Variants in LRBA observed in about 807,000 individuals in gnomAD.
LRBA encodes the protein lipopolysaccharide-responsive and beige-like anchor protein.
In LRBA, 176 loss-of-function variants were observed where a neutral mutation model predicts 330.0. The observed-to-expected ratio is 0.53, with a 90% CI of 0.47 to 0.60. The LOEUF (loss-of-function observed/expected upper bound fraction) is 0.60. Among genes scored for constraint, LRBA ranks in the 20% least tolerant of loss-of-function variants. The pLI is 0.00. For synonymous variants in LRBA, 1,230 were observed against 1,193.0 expected (o/e 1.03, Z -0.64); for missense variants, 3,259 against 3,444.8 (o/e 0.95, Z 1.35).
intron 52 of LRBA, among the ~76,000 whole-genome samples, chr4:150,306,989 G>A (rs1730432835): frequency 6.6e-6 from 1 of 151,888 alleles, no homozygotes; most frequent in Admixed American, 6.6e-5. Flanking sequence ...TTGTGAGACT[G>A]AAACAATATC....
chr4:150,956,546 T>C (rs1221445405), intron 2 of LRBA, among the ~76,000 whole-genome samples: 1 of 148,866 alleles, frequency 6.7e-6, no homozygotes, highest in African/African-American at 2.6e-5. Flanking sequence ...GTACTAACCT[T>C]ATGCCAAGAT....
At chr4:150,833,524 C>T (rs890801879) in intron 28 of LRBA, among the ~76,000 whole-genome samples, 2 of 151,902 alleles carry the variant, frequency 1.3e-5, no homozygotes, top group East Asian at 1.9e-4. Flanking sequence ...TTTTAGTTTC[C>T]GAGTGTATAT....
intron 40 of LRBA, among the ~76,000 whole-genome samples, chr4:150,561,818 A>G (rs1288310784): frequency 6.6e-6 from 1 of 152,130 alleles, no homozygotes; most frequent in Non-Finnish European, 1.5e-5. Flanking sequence ...TAATAAATAT[A>G]ATTTGATCTT....
intron 46 of LRBA, among the ~76,000 whole-genome samples, chr4:150,417,233 C>A (rs1413507928): frequency 2.0e-5 from 3 of 152,058 alleles, no homozygotes; most frequent in Non-Finnish European, 4.4e-5. Flanking sequence ...TTATCTCTCT[C>A]TATACAGCAA....
At chr4:150,939,816 C>A (rs140466454) in intron 2 of LRBA, among the ~76,000 whole-genome samples, 432 of 152,264 alleles carry the variant, frequency 2.8e-3, no homozygotes, top group African/African-American at 9.5e-3. Context: ...ATAATAGACA[C>A]TGGAGACTCC....
chr4:151,010,839 G>A lies in LRBA; in HGVS notation c.216+3588C>T, dbSNP rs141890080. Among the ~76,000 whole-genome samples the A allele has an allele frequency of 6.4e-3, 926 of 145,246 alleles. 7 individuals carry two copies. The highest frequency in any genetic ancestry group is 0.022 in the African/African-American group (875 of 38,958). ...GCAGAGGTTGCAGTGAGCTGAGATC[G>A]CACCACTGCACTCCAACCTGGGTGA... is the stretch of plus-strand genomic sequence containing the variant. On this transcript the variant is annotated intron_variant, in intron 2 of 56. Transcript: ENST00000651943.
At chr4:150,689,945 T>A (rs1000278954) in intron 36 of LRBA, among the ~76,000 whole-genome samples, 1 of 151,070 alleles carries the variant, frequency 6.6e-6, no homozygotes, top group African/African-American at 2.4e-5. Context: ...GAAAAAAAAA[T>A]TTACAACAGC....
intron 47 of LRBA, among the ~76,000 whole-genome samples, chr4:150,399,466 C>T (rs1198237171): frequency 2.0e-5 from 3 of 152,124 alleles, no homozygotes; most frequent in Non-Finnish European, 4.4e-5. Context: ...CATGATACCC[C>T]ATATAGACCA....
chr4:150,778,430 A>G (rs1737723362), intron 34 of LRBA, among the ~76,000 whole-genome samples: 1 of 152,206 alleles, frequency 6.6e-6, no homozygotes, highest in Non-Finnish European at 1.5e-5. Flanking sequence ...ATTACTATAA[A>G]CACATTTTTA....
intron 47 of LRBA, among the ~76,000 whole-genome samples, chr4:150,370,620 A>G (rs771767980): frequency 1.3e-5 from 2 of 152,232 alleles, no homozygotes; most frequent in South Asian, 2.1e-4. Context: ...CAAAACCTAC[A>G]GGAAGTCTAA....
chr4:151,005,812 C>T (rs906814167), intron 2 of LRBA, among the ~76,000 whole-genome samples: 1 of 151,828 alleles, frequency 6.6e-6, no homozygotes, highest in Non-Finnish European at 1.5e-5. Flanking sequence ...CCAGGCTGGT[C>T]TCCAACTCCC....
chr4:150,973,533 A>C (rs1180194381), intron 2 of LRBA, among the ~76,000 whole-genome samples: 3 of 152,228 alleles, frequency 2.0e-5, no homozygotes, highest in Non-Finnish European at 4.4e-5. Context: ...TTCTACATTA[A>C]TATTTCAAAA....
At chr4:150,632,873 C>T (rs1302063834) in intron 37 of LRBA, among the ~76,000 whole-genome samples, 1 of 152,214 alleles carries the variant, frequency 6.6e-6, no homozygotes, top group East Asian at 1.9e-4. Flanking sequence ...CCCTCCAAGT[C>T]TATAAGCTCT....
chr4:150,639,366 A>AAG (rs1472687321), intron 37 of LRBA, among the ~76,000 whole-genome samples: 1 of 148,318 alleles, frequency 6.7e-6, no homozygotes, highest in Non-Finnish European at 1.5e-5. Context: ...ATAATAAAAA[A>AAG]AAAAAAGAAA....
At chr4:150,619,551 T>C (rs1776102649) in intron 37 of LRBA, among the ~76,000 whole-genome samples, 1 of 152,156 alleles carries the variant, frequency 6.6e-6, no homozygotes, top group Non-Finnish European at 1.5e-5. Context: ...CTGTTTATAT[T>C]TCATATTCTA....
At chr4:150,337,291 A>C (rs1734882531) in intron 48 of LRBA, among the ~76,000 whole-genome samples, 1 of 152,220 alleles carries the variant, frequency 6.6e-6, no homozygotes, top group Non-Finnish European at 1.5e-5. Flanking sequence ...AGAACGGCTC[A>C]GAATTCTGTA....
In LRBA at chr4:150,371,182, A is replaced by ATTTTTTTTTTTT. The variant is rs70937395; in HGVS notation, c.7195-21035_7195-21024dup. 1.5e-3 allele frequency among the ~76,000 whole-genome samples: 139 copies of ATTTTTTTTTTTT among 91,928 alleles called. 13 individuals are homozygous for ATTTTTTTTTTTT. Among genetic ancestry groups the ATTTTTTTTTTTT allele is most frequent in the African/African-American group, 6.2e-3 (129 of 20,828 alleles). The allele number at this position is 91,928 out of a possible 152,430, so 60.3% of individuals were successfully genotyped here. A position where few individuals can be genotyped will look rare whatever the true frequency, so the allele number is the denominator to read the frequency against. On this transcript the variant is annotated intron_variant, in intron 47 of 56. Transcript: ENST00000651943. ...AAAAGCATGAGCTGCAAGCTACTAA[A>ATTTTTTTTTTTT]TTTTTTTTTTTTTTTTTTTTTTTTT...
At chr4:150,562,687 C>T (rs1768526475) in intron 40 of LRBA, among the ~76,000 whole-genome samples, 1 of 152,170 alleles carries the variant, frequency 6.6e-6, no homozygotes, top group Admixed American at 6.6e-5. Flanking sequence ...GCATTCAAGA[C>T]ATTAAAGGCC....
At chr4:150,979,573 T>C (rs1740606295) in intron 2 of LRBA, among the ~76,000 whole-genome samples, 1 of 152,080 alleles carries the variant, frequency 6.6e-6, no homozygotes. Flanking sequence ...TACAATAAAA[T>C]ATAAACAGAA....
Sources: gnomAD v4.1 joint callset for allele counts (sites outside exome capture counted in the v4.1 genomes callset) on GRCh38, gnomAD v4.1.1 for gene constraint, MANE v1.5 for transcripts, NCBI Gene and HGNC (gene_info 2026-07-23, HGNC 2026-07-21) for gene names.